CDH20: variants seen among roughly 807,000 people sequenced by gnomAD.
CDH20 encodes the protein cadherin 20, also known as cadherin-20.
In CDH20, 29 loss-of-function variants were observed where a neutral mutation model predicts 74.2. That is an observed-to-expected ratio of 0.39 (90% CI 0.29 to 0.53). The LOEUF is 0.53. CDH20 is among the 20% of genes least tolerant of loss of function. The pLI, the probability that CDH20 is intolerant of heterozygous loss-of-function variation, is 0.69. For synonymous variants in CDH20, 469 were observed against 405.4 expected, an observed-to-expected ratio of 1.16 and a Z score of -1.88; for missense variants, 988 against 1,048.3, an observed-to-expected ratio of 0.94 and a Z score of 0.79.
intron 1 of CDH20, among the ~76,000 whole-genome samples, chr18:61,348,671 G>C (rs1389124538): frequency 6.6e-6 from 1 of 152,156 alleles, no homozygotes; most frequent in Admixed American, 6.5e-5. Context: ...AAAAACATGA[G>C]AAATCTAGAT....
intron 1 of CDH20, among the ~76,000 whole-genome samples, chr18:61,408,025 G>A (rs748541909): frequency 2.0e-5 from 3 of 152,146 alleles, no homozygotes. Flanking sequence ...GCTGGATGAA[G>A]AATATATGAG....
chr18:61,440,943 G>A (rs1001472574), intron 1 of CDH20, among the ~76,000 whole-genome samples: 2 of 152,288 alleles, frequency 1.3e-5, no homozygotes, highest in African/African-American at 4.8e-5. Flanking sequence ...ACATTGCAGA[G>A]TATGTGGATA....
chr18:61,372,590 A>ATCTTTAAG (rs1911079782), intron 1 of CDH20, among the ~76,000 whole-genome samples: 1 of 152,106 alleles, frequency 6.6e-6, no homozygotes, highest in East Asian at 1.9e-4. Flanking sequence ...AAGCTTAAGA[A>ATCTTTAAG]TGGATTTTCA....
intron 1 of CDH20, chr18:61,405,150 T>C: frequency 1.7e-6 from 1 of 598,456 alleles, no homozygotes; most frequent in Non-Finnish European, 3.1e-6. Flanking sequence ...TATAACAAGT[T>C]AGAGCCTAGA....
rs1022231387 is a variant in CDH20, at chr18:61,500,516, G to A, written c.661+14G>A. 3.1e-6 allele frequency: 5 copies of A among 1,602,310 alleles called. No homozygotes were observed. Among genetic ancestry groups the A allele is most frequent in the African/African-American group, 2.7e-5 (2 of 74,712 alleles). On this transcript the variant is annotated intron_variant, in intron 4 of 11. Coordinates refer to ENST00000262717, the MANE Select transcript of CDH20 (RefSeq NM_031891.4). ...ACTCTAAAACAGGTATCTGATACAA[G>A]GGTCGAGTCAGAGGTGTTTATTCCC...
Position 61,500,470 on chromosome 18 carries a change from G to A in CDH20, c.629G>A (p.Gly210Asp), listed in dbSNP as rs201602985. 1 of 1,609,968 alleles carries A rather than the reference G, an allele frequency of 6.2e-7. No individual in the cohort carries two copies. Among genetic ancestry groups the A allele is most frequent in the African/African-American group, 1.3e-5 (1 of 74,856 alleles). Residue 210 changes from glycine to aspartate, a missense_variant, in exon 4 of 12, where the codon GGC becomes GAC. Gly to Asp is a moderately conservative substitution (Grantham distance 94, BLOSUM62 -1). Transcript: ENST00000262717. ...SARVVYSILQ[G>D]QPYFSVDSKT... is the part of the protein sequence containing the mutation. The stretch of plus-strand genomic sequence containing the variant: ...AGGGTGGTGTACAGCATTCTTCAGG[G>A]CCAGCCATATTTTTCTGTGGACTCT...
chr18:61,499,113 C>T (rs1771545488), intron 2 of CDH20, 73 bp from the exon 3 acceptor site: 1 of 1,248,068 alleles, frequency 8.0e-7, no homozygotes, highest in Non-Finnish European at 1.1e-6. Context: ...AAGTTTGTAA[C>T]AAACTGAAAA....
chr18:61,364,644 G>T (rs528069410), intron 1 of CDH20, among the ~76,000 whole-genome samples: 1 of 117,184 alleles, frequency 8.5e-6, no homozygotes, highest in South Asian at 3.3e-4. Context: ...GAGAGAGGTG[G>T]TTATTACCAA....
rs548773559 is a variant in CDH20 at position 61,464,013 on chromosome 18, G to C, written c.-152-26389G>C. Among the ~76,000 whole-genome samples the C allele has an allele frequency of 2.0e-5, 3 of 152,186 alleles. No individual in the cohort carries two copies. The South Asian group carries it at 6.3e-4, about 32-fold the overall frequency. On this transcript the variant is annotated intron_variant, in intron 1 of 11. Transcript: ENST00000262717. Reference sequence around the variant, plus strand: ...TAACATATGTAAAGCACCCAGCATGGAGCCCGGCAGATATTAGGGATTCAA... The same window carrying C: ...TAACATATGTAAAGCACCCAGCATGCAGCCCGGCAGATATTAGGGATTCAA...
intron 1 of CDH20, among the ~76,000 whole-genome samples, chr18:61,446,003 G>T (rs1909187811): frequency 6.6e-6 from 1 of 152,086 alleles, no homozygotes; most frequent in South Asian, 2.1e-4. Context: ...CTTCCTCAAA[G>T]CATAGCAGCT....
intron 1 of CDH20, among the ~76,000 whole-genome samples, chr18:61,378,558 T>C (rs1599046154): frequency 6.6e-6 from 1 of 152,150 alleles, no homozygotes; most frequent in Non-Finnish European, 1.5e-5. Flanking sequence ...AAACATCCTC[T>C]TTACTCAGTC....
intron 1 of CDH20, among the ~76,000 whole-genome samples, chr18:61,473,069 C>T (rs1910241341): frequency 6.6e-6 from 1 of 152,204 alleles, no homozygotes; most frequent in South Asian, 2.1e-4. Flanking sequence ...TCTGATTAAA[C>T]ACATCTCCCA....
At chr18:61,534,060 TA>T (rs963533362) in intron 7 of CDH20, among the ~76,000 whole-genome samples, 41 of 152,056 alleles carry the variant, frequency 2.7e-4, no homozygotes, top group Admixed American at 7.2e-4. Flanking sequence ...ATGACCCTGT[TA>T]AAAAAAATGT....
At chr18:61,478,290 CT>C (rs1910463314) in intron 1 of CDH20, among the ~76,000 whole-genome samples, 1 of 151,752 alleles carries the variant, frequency 6.6e-6, no homozygotes, top group Non-Finnish European at 1.5e-5. Flanking sequence ...TTTGATCACT[CT>C]TTTTTGGAAT....
chr18:61,483,306 T>C (rs143271810), intron 1 of CDH20, among the ~76,000 whole-genome samples: 320 of 152,276 alleles, frequency 2.1e-3, no homozygotes, highest in Non-Finnish European at 3.6e-3. Context: ...AAATACACCA[T>C]GGCCAATTTC....
In CDH20 at chr18:61,499,346, C is replaced by A; in HGVS notation, c.407C>A (p.Ala136Asp). ...ERAQYTLRAQ[A>D]LDRRTGRPME... ...GCCCAGTATACTCTAAGGGCTCAAG[C>A]CCTAGACAGGCGGACGGGCAGGCCA... The change falls in exon 3 of 12, where the codon GCC (alanine) becomes GAC (aspartate). Residue 136 changes from alanine to aspartate, a missense_variant. Ala to Asp is a moderately radical substitution (Grantham distance 126, BLOSUM62 -2). Transcript: ENST00000262717. 6.2e-7 allele frequency: 1 copy of A among 1,614,048 alleles called. No individual in the cohort carries two copies. The highest frequency in any genetic ancestry group is 1.3e-5 in the African/African-American group (1 of 75,024).
At chr18:61,418,933 C>G in intron 1 of CDH20, among the ~76,000 whole-genome samples, 1 of 152,192 alleles carries the variant, frequency 6.6e-6, no homozygotes, top group Middle Eastern at 3.4e-3. Flanking sequence ...ATATTATCTG[C>G]AACATGCTTT....
At chr18:61,469,920 G>GA (rs1910104838) in intron 1 of CDH20, among the ~76,000 whole-genome samples, 1 of 152,050 alleles carries the variant, frequency 6.6e-6, no homozygotes, top group Non-Finnish European at 1.5e-5. Context: ...CTTGTACAGG[G>GA]AAAAAAAGAA....
chr18:61,405,116 C>G (rs1490899222), intron 1 of CDH20: 1 of 647,294 alleles, frequency 1.5e-6, no homozygotes, highest in East Asian at 3.4e-5. Context: ...TCTGCTTGTA[C>G]CCCAGCACAT....
Sources: allele counts gnomAD v4.1 joint callset (sites outside exome capture counted in the v4.1 genomes callset), GRCh38; gene constraint gnomAD v4.1.1; transcripts MANE v1.5; gene names NCBI Gene and HGNC (gene_info 2026-07-23, HGNC 2026-07-21).